Variants in NRXN1 observed in about 807,000 individuals in gnomAD.
The protein encoded by NRXN1 is neurexin-1.
In NRXN1, 39 loss-of-function variants were observed where a neutral mutation model predicts 150.9. That is an observed-to-expected ratio of 0.26 (90% CI 0.20 to 0.34). The LOEUF (loss-of-function observed/expected upper bound fraction) is 0.34. Among genes scored for constraint, NRXN1 ranks in the 10% least tolerant of loss-of-function variants. The probability of loss-of-function intolerance (pLI) is 1.00; values close to 1 mark genes in which losing one functional copy is unlikely to be tolerated. For synonymous variants in NRXN1, 924 were observed against 757.0 expected (o/e 1.22, Z -3.62); for missense variants, 1,815 against 1,949.9 (o/e 0.93, Z 1.30).
intron 19 of NRXN1, among the ~76,000 whole-genome samples, chr2:50,056,160 G>T (rs1270529635): frequency 1.3e-5 from 2 of 152,116 alleles, no homozygotes; most frequent in African/African-American, 4.8e-5. Flanking sequence ...TGAAAGAAAT[G>T]TTGAATGGTA....
intron 5 of NRXN1, among the ~76,000 whole-genome samples, chr2:50,789,135 C>T (rs1705576876): frequency 6.6e-6 from 1 of 152,142 alleles, no homozygotes. Flanking sequence ...TGTAATTTTA[C>T]ATTGTGTATA....
chr2:50,250,086 C>G (rs1241886370), intron 17 of NRXN1, among the ~76,000 whole-genome samples: 1 of 152,140 alleles, frequency 6.6e-6, no homozygotes, highest in Non-Finnish European at 1.5e-5. Context: ...TAATTTAAAT[C>G]TCTTTTATAA....
At chr2:50,576,362 G>C (rs1456717989) in intron 8 of NRXN1, among the ~76,000 whole-genome samples, 1 of 151,902 alleles carries the variant, frequency 6.6e-6, no homozygotes, top group Non-Finnish European at 1.5e-5. Flanking sequence ...ATTTTTGACA[G>C]TGTCATATAT....
At chr2:50,180,365 A>G (rs1198201578) in intron 18 of NRXN1, among the ~76,000 whole-genome samples, 2 of 152,044 alleles carry the variant, frequency 1.3e-5, no homozygotes, top group African/African-American at 2.4e-5. Flanking sequence ...TCTGATGAGA[A>G]TCCTTGAAGC....
chr2:50,776,452 A>C (rs997264485), intron 5 of NRXN1, among the ~76,000 whole-genome samples: 2 of 152,006 alleles, frequency 1.3e-5, no homozygotes, highest in African/African-American at 4.8e-5. Context: ...GAGCATTCAT[A>C]ATTTTTAAAT....
At chr2:50,296,571 C>A (rs2073599522) in intron 17 of NRXN1, among the ~76,000 whole-genome samples, 1 of 123,584 alleles carries the variant, frequency 8.1e-6, no homozygotes, top group African/African-American at 2.9e-5. Flanking sequence ...TGGGTTCACA[C>A]AATTTTCCCA....
intron 17 of NRXN1, among the ~76,000 whole-genome samples, chr2:50,333,926 A>C (rs1469400953): frequency 1.3e-5 from 2 of 151,714 alleles, no homozygotes; most frequent in Non-Finnish European, 2.9e-5. Flanking sequence ...CAGAAAGTCA[A>C]CTCCCTGCAA....
At chr2:50,660,316 C>G (rs1376693556) in intron 5 of NRXN1, among the ~76,000 whole-genome samples, 1 of 152,020 alleles carries the variant, frequency 6.6e-6, no homozygotes. Context: ...TGAAGTCTGT[C>G]TGTCTGCAAA....
At chr2:50,853,102 A>T (rs1412642233) in intron 5 of NRXN1, among the ~76,000 whole-genome samples, 3 of 152,200 alleles carry the variant, frequency 2.0e-5, no homozygotes, top group Non-Finnish European at 4.4e-5. Flanking sequence ...CACATGTAAG[A>T]GGAGCAGTTC....
intron 18 of NRXN1, among the ~76,000 whole-genome samples, chr2:50,158,664 G>A (rs1470248889): frequency 6.6e-6 from 1 of 152,036 alleles, no homozygotes. Context: ...CCATTGCTTT[G>A]TTTCAAATGC....
intron 19 of NRXN1, among the ~76,000 whole-genome samples, chr2:50,057,501 G>A (rs1693834482): frequency 6.6e-6 from 1 of 152,132 alleles, no homozygotes; most frequent in African/African-American, 2.4e-5. Context: ...ATGCCCTTTA[G>A]AAAGAAGCAT....
chr2:50,907,621 C>G (rs926779364), intron 5 of NRXN1, among the ~76,000 whole-genome samples: 1 of 151,890 alleles, frequency 6.6e-6, no homozygotes, highest in African/African-American at 2.4e-5. Context: ...AAGAAAACAG[C>G]AGAAGAGGAG....
At chr2:50,657,956 G>C (rs937204293) in intron 5 of NRXN1, among the ~76,000 whole-genome samples, 13 of 151,934 alleles carry the variant, frequency 8.6e-5, no homozygotes, top group African/African-American at 2.9e-4. Flanking sequence ...ACATCTCCCA[G>C]AACAATAAAT....
intron 2 of NRXN1, among the ~76,000 whole-genome samples, chr2:50,983,023 A>G (rs1228956711): frequency 6.6e-6 from 1 of 152,008 alleles, no homozygotes; most frequent in Non-Finnish European, 1.5e-5. Flanking sequence ...AGTTTTATAT[A>G]TATATAGTTC....
At chr2:50,948,863 T>C (rs1690832031) in intron 2 of NRXN1, among the ~76,000 whole-genome samples, 1 of 152,024 alleles carries the variant, frequency 6.6e-6, no homozygotes, top group South Asian at 2.1e-4. Context: ...ACAGACACAC[T>C]TTCCCTTGGA....
chr2:50,999,943 A>AT (rs1699823306), intron 2 of NRXN1, among the ~76,000 whole-genome samples: 1 of 151,964 alleles, frequency 6.6e-6, no homozygotes, highest in Non-Finnish European at 1.5e-5. Flanking sequence ...TCATATTCCT[A>AT]TTTTTCAGAT....
intron 17 of NRXN1, among the ~76,000 whole-genome samples, chr2:50,426,680 A>AT (rs2084523372): frequency 1.3e-5 from 2 of 152,094 alleles, no homozygotes; most frequent in South Asian, 4.1e-4. Context: ...GGATGCAGTT[A>AT]TTTTTGTTGC....
chr2:50,921,916 G>T (rs1686100297), intron 4 of NRXN1, 36 bp from the exon 5 acceptor site: 1 of 1,346,436 alleles, frequency 7.4e-7, no homozygotes, highest in Non-Finnish European at 9.9e-7. Context: ...TGAAGAAAGG[G>T]TTTCCAGACA....
At chr2:50,219,960 ATATT>A (rs2063721637) in intron 18 of NRXN1, among the ~76,000 whole-genome samples, 1 of 73,312 alleles carries the variant, frequency 1.4e-5, no homozygotes, top group Non-Finnish European at 2.3e-5. Context: ...TATAATATAT[ATATT>A]ATATATATAT....
Sources: allele counts gnomAD v4.1 joint callset (sites outside exome capture counted in the v4.1 genomes callset), GRCh38; gene constraint gnomAD v4.1.1; transcripts MANE v1.5; gene names NCBI Gene and HGNC (gene_info 2026-07-23, HGNC 2026-07-21).